MAP1B: variants seen among roughly 807,000 people sequenced by gnomAD.
MAP1B encodes microtubule-associated protein 1B.
MAP1B carries 12 observed loss-of-function variants against 176.1 expected under a neutral mutation model. The observed-to-expected ratio is 0.07, with a 90% CI of 0.04 to 0.11. MAP1B has a LOEUF of 0.11. Among genes scored for constraint, MAP1B ranks in the 10% least tolerant of loss-of-function variants. MAP1B has a pLI of 1.00. For synonymous variants in MAP1B, 1,044 were observed against 1,135.0 expected, an observed-to-expected ratio of 0.92 and a Z score of 1.61; for missense variants, 2,523 against 2,990.5, an observed-to-expected ratio of 0.84 and a Z score of 3.65.
rs1446343798 is a variant in MAP1B at position 72,204,773 on chromosome 5, G to A, written c.7252-311G>A. Reference sequence around the variant, plus strand: ...CTTTTATGCAAAACTTACCAGTTGTGTTAAAGGAAATACAAAAAATTGTAC... The same window carrying A: ...CTTTTATGCAAAACTTACCAGTTGTATTAAAGGAAATACAAAAAATTGTAC... On this transcript the variant is annotated intron_variant, in intron 6 of 6. Transcript: ENST00000296755. This position sits in a 1 kb window ranked among gnomAD's most constrained non-coding sequence, Gnocchi z 4.4. Among the ~76,000 whole-genome samples, 1 of 152,178 alleles carries A rather than the reference G, an allele frequency of 6.6e-6. No homozygotes were observed. Among genetic ancestry groups the A allele is most frequent in the Non-Finnish European group, 1.5e-5 (1 of 68,020 alleles).
At chr5:72,156,800 C>T (rs950829508) in intron 2 of MAP1B, among the ~76,000 whole-genome samples, 4 of 152,166 alleles carry the variant, frequency 2.6e-5, no homozygotes, top group Non-Finnish European at 5.9e-5. Context: ...CACAGGGACA[C>T]AGAGCAAGAC....
At chr5:72,155,032 G>A (rs975441310) in intron 2 of MAP1B, among the ~76,000 whole-genome samples, 2 of 152,198 alleles carry the variant, frequency 1.3e-5, no homozygotes, top group Non-Finnish European at 2.9e-5. Flanking sequence ...TCCTGCGAAG[G>A]GAAGCCCAGA....
chr5:72,196,965 G>A lies in MAP1B; in HGVS notation c.3610G>A (p.Ala1204Thr), dbSNP rs577345785. The A allele has an allele frequency of 6.2e-7, 1 of 1,614,170 alleles. No homozygotes were observed. Among genetic ancestry groups the A allele is most frequent in the Admixed American group, 1.7e-5 (1 of 60,030 alleles). Residue 1204 changes from alanine (A) to threonine (T), a missense_variant, in exon 5 of 7, where the codon GCC becomes ACC. Physicochemically the swap from Ala to Thr is moderately conservative, Grantham distance 58. This residue lies in a region of MAP1B where 1,925 missense variants were observed against 2,126.0 expected (regional missense o/e 0.91). Transcript: ENST00000296755. This position sits in a 1 kb window ranked among gnomAD's most constrained non-coding sequence, Gnocchi z 5.3. ...TGATGGCAAGGATTACAATGCTTCAGCCTCTACCATATCACCACCCTCTTC... is the reference window on the plus strand; with the variant it reads ...TGATGGCAAGGATTACAATGCTTCAACCTCTACCATATCACCACCCTCTTC... The part of the protein sequence containing the change: ...ATDGKDYNAS[A>T]STISPPSSME...
chr5:72,181,278 T>A (rs1746759755), intron 2 of MAP1B, among the ~76,000 whole-genome samples: 1 of 152,126 alleles, frequency 6.6e-6, no homozygotes, highest in South Asian at 2.1e-4. Context: ...TTCAACATGT[T>A]GCTGTTTCTG....
chr5:72,108,487 G>C (rs541540380), intron 1 of MAP1B, among the ~76,000 whole-genome samples: 4 of 152,362 alleles, frequency 2.6e-5, no homozygotes, highest in Admixed American at 2.0e-4. Flanking sequence ...GTCGGTGAGG[G>C]AGACGTCAGC....
chr5:72,167,068 C>G (rs539241135), intron 2 of MAP1B, among the ~76,000 whole-genome samples: 14 of 149,608 alleles, frequency 9.4e-5, no homozygotes, highest in African/African-American at 3.2e-4. Flanking sequence ...GCTCTGAAAC[C>G]AAAGAGGCAA....
At position 72,197,416 on chromosome 5, in the gene MAP1B, A is replaced by G. The variant is rs1747206949; in HGVS notation, c.4061A>G (p.Glu1354Gly). The stretch of plus-strand genomic sequence containing the variant: ...AGTCATCTCCCTACAGAAGTCATTG[A>G]AAAACCACCAGCAGTTCCAGTGAGT... ...KSSHLPTEVI[E>G]KPPAVPVSFE... Residue 1354 changes from glutamate (E) to glycine (G), a missense_variant, in exon 5 of 7, where the codon GAA becomes GGA. Physicochemically the swap from Glu to Gly is moderately conservative, Grantham distance 98. This residue lies in a region of MAP1B where 1,925 missense variants were observed against 2,126.0 expected (regional missense o/e 0.91). Transcript: ENST00000296755. 1.2e-6 allele frequency: 2 copies of G among 1,614,116 alleles called. No homozygotes were observed. Among genetic ancestry groups the G allele is most frequent in the South Asian group, 1.1e-5 (1 of 91,092 alleles).
intron 2 of MAP1B, among the ~76,000 whole-genome samples, chr5:72,159,198 A>G (rs1459526821): frequency 6.6e-6 from 1 of 152,234 alleles, no homozygotes; most frequent in Non-Finnish European, 1.5e-5. Context: ...TGGAAGAAAA[A>G]AAACAGTCCT....
chr5:72,200,289 C>A lies in MAP1B; in HGVS notation c.6934C>A (p.Arg2312Ser). 6.2e-7 allele frequency: 1 copy of A among 1,614,166 alleles called. No individual in the cohort carries two copies. Among genetic ancestry groups the A allele is most frequent in the East Asian group, 2.2e-5 (1 of 44,886 alleles). ...CACCACTCCTGAGGTCAAAGCTGCA[C>A]GTGGGGAAGAGAAAGACAAGGAGAC... is the stretch of plus-strand genomic sequence containing the variant. ...PTTTPEVKAARGEEKDKETKN... is the reference protein window; with the variant it reads ...PTTTPEVKAASGEEKDKETKN... Residue 2312 changes from arginine to serine, a missense_variant, in exon 5 of 7, where the codon CGT becomes AGT. Arg to Ser is a moderately radical substitution (Grantham distance 110, BLOSUM62 -1). This residue lies in a region of MAP1B where 287 missense variants were observed against 401.5 expected (regional missense o/e 0.71). Coordinates refer to ENST00000296755, the MANE Select transcript of MAP1B (RefSeq NM_005909.5).
rs1277180592 is a variant in MAP1B, at chr5:72,205,603, A to G, written c.*364A>G. 1.2e-5 allele frequency: 2 copies of G among 173,432 alleles called. No individual in the cohort carries two copies. Among genetic ancestry groups the G allele is most frequent in the African/African-American group, 2.4e-5 (1 of 42,106 alleles). 10.7% of individuals were successfully genotyped at this position (173,432 alleles called of 1,614,324 possible). A position where few individuals can be genotyped will look rare whatever the true frequency, so the allele number is the denominator to read the frequency against. Reference sequence around the variant, plus strand: ...AGTGAGAGAGAGTGAGAGCACAAAGATAACGCAGGAGAGAGAGAGAGAAAG... The same window carrying G: ...AGTGAGAGAGAGTGAGAGCACAAAGGTAACGCAGGAGAGAGAGAGAGAAAG... On this transcript the variant is annotated 3_prime_UTR_variant, in exon 7 of 7. Coordinates refer to ENST00000296755, the MANE Select transcript of MAP1B (RefSeq NM_005909.5).
intron 2 of MAP1B, among the ~76,000 whole-genome samples, chr5:72,120,793 A>T (rs975905633): frequency 1.3e-5 from 2 of 152,210 alleles, no homozygotes; most frequent in Non-Finnish European, 2.9e-5. Context: ...AGGGCTTGTC[A>T]CATGGAAACA....
chr5:72,157,408 G>A (rs765481891), intron 2 of MAP1B, among the ~76,000 whole-genome samples: 1 of 152,146 alleles, frequency 6.6e-6, no homozygotes, highest in Non-Finnish European at 1.5e-5. Context: ...TATTTAGTTC[G>A]TTGCTTTTAT....
At chr5:72,175,210 G>A (rs758611624) in intron 2 of MAP1B, among the ~76,000 whole-genome samples, 16 of 151,472 alleles carry the variant, frequency 1.1e-4, no homozygotes, top group Admixed American at 2.0e-4. Flanking sequence ...GATCACAGGC[G>A]TGCACCACCA....
intron 3 of MAP1B, among the ~76,000 whole-genome samples, chr5:72,184,400 G>A (rs1746844465): frequency 6.6e-6 from 1 of 152,192 alleles, no homozygotes; most frequent in Admixed American, 6.5e-5. Flanking sequence ...GTCTCCGTTT[G>A]CACCTCTGTA....
chr5:72,203,783 G>A lies in MAP1B; in HGVS notation c.7233G>A (p.Gln2411=), dbSNP rs1747383898. 6.2e-7 allele frequency: 1 copy of A among 1,612,628 alleles called. No homozygotes were observed. The highest frequency in any genetic ancestry group is 8.5e-7 in the Non-Finnish European group (1 of 1,180,024). The change falls in exon 6 of 7, where the codon CAG becomes CAA. Residue 2411 remains glutamine, a synonymous_variant. Transcript: ENST00000296755. ...VLDALLEGKA[Q]WGSNMQVTLI... Reference sequence around the variant, plus strand: ...ACGCTTTGTTGGAAGGAAAGGCTCAGTGGGGCAGCAACATGCAGGTGAGAA... The same window carrying A: ...ACGCTTTGTTGGAAGGAAAGGCTCAATGGGGCAGCAACATGCAGGTGAGAA...
intron 1 of MAP1B, among the ~76,000 whole-genome samples, chr5:72,112,798 A>G (rs901707932): frequency 2.0e-5 from 3 of 152,214 alleles, no homozygotes; most frequent in African/African-American, 4.8e-5. Context: ...CAGAAGGGGT[A>G]CAGTCTTAGA....
At chr5:72,152,212 TG>T (rs1746153687) in intron 2 of MAP1B, among the ~76,000 whole-genome samples, 1 of 152,154 alleles carries the variant, frequency 6.6e-6, no homozygotes, top group Admixed American at 6.5e-5. Flanking sequence ...TCTATGGATA[TG>T]TTTTTTTTTA....
In MAP1B at chr5:72,186,243, G is replaced by A. The variant is rs1372252435; in HGVS notation, c.370-371G>A. On this transcript the variant is annotated intron_variant, in intron 3 of 6. Coordinates refer to ENST00000296755, the MANE Select transcript of MAP1B (RefSeq NM_005909.5). The surrounding 1 kb of genome is among the most constrained non-coding windows in gnomAD (Gnocchi z 4.3). The stretch of plus-strand genomic sequence containing the variant: ...CGTCTTCCCTGGTTTCGCAGACCAC[G>A]TGCTGCTAGCAGACATTTCTAACAG... Among the ~76,000 whole-genome samples, 1 of 152,166 alleles carries A rather than the reference G, an allele frequency of 6.6e-6. No individual in the cohort carries two copies. The highest frequency in any genetic ancestry group is 6.5e-5 in the Admixed American group (1 of 15,278).
intron 2 of MAP1B, among the ~76,000 whole-genome samples, chr5:72,144,855 G>A (rs536168090): frequency 9.2e-5 from 14 of 152,346 alleles, no homozygotes; most frequent in African/African-American, 2.9e-4. Context: ...AAAGGCATGA[G>A]AAGAGGCTGC....
Sources: allele counts gnomAD v4.1 joint callset (sites outside exome capture counted in the v4.1 genomes callset), GRCh38; gene constraint gnomAD v4.1.1; regional missense constraint gnomAD v4.1.1; non-coding constraint Gnocchi (gnomAD v3.1); transcripts MANE v1.5; gene names NCBI Gene and HGNC (gene_info 2026-07-23, HGNC 2026-07-21).